Variants in BLTP2 observed in about 807,000 individuals in gnomAD.
BLTP2 encodes bridge-like lipid transfer protein family member 2, also known as U937-associated antigen.
chr17:28,641,938 T>C, the BLTP2 span: 19 of 1,614,038 alleles, frequency 1.2e-5, no homozygotes, highest in Admixed American at 2.7e-4. Context: ...GGCACAGCAG[T>C]TGGCTCTGGA....
At chr17:28,638,591 A>C in the BLTP2 span, 1 of 1,613,884 alleles carries the variant, frequency 6.2e-7, no homozygotes, top group Non-Finnish European at 8.5e-7. Context: ...AAATGTTGAC[A>C]TTGGAGATGG....
the BLTP2 span, chr17:28,628,362 G>A: frequency 6.2e-7 from 1 of 1,614,182 alleles, no homozygotes; most frequent in Non-Finnish European, 8.5e-7. Flanking sequence ...TTGGCTTTTT[G>A]GCTGGCATCT....
chr17:28,640,272 A>T, the BLTP2 span: 3 of 502,346 alleles, frequency 6.0e-6, no homozygotes, highest in Non-Finnish European at 1.1e-5. Flanking sequence ...ACGTGCCTAT[A>T]ATCCCAGCTA....
the BLTP2 span, chr17:28,636,832 A>C: frequency 3.4e-5 from 24 of 712,746 alleles, no homozygotes; most frequent in Non-Finnish European, 5.1e-5. Context: ...TGAGCCCAGT[A>C]GTTTAAGACC....
the BLTP2 span, chr17:28,639,218 C>CA: frequency 7.8e-7 from 1 of 1,290,142 alleles, no homozygotes; most frequent in Non-Finnish European, 1.1e-6. Context: ...GGAGGTCAAA[C>CA]AACCAAATAC....
chr17:28,632,550 GC>G, the BLTP2 span, among the ~76,000 whole-genome samples: 2 of 152,016 alleles, frequency 1.3e-5, no homozygotes, highest in Non-Finnish European at 2.9e-5. Context: ...TAGGATTAGT[GC>G]CCTTTTAAAA....
At chr17:28,644,295 C>G in the BLTP2 span, 64 of 1,155,402 alleles carry the variant, frequency 5.5e-5, no homozygotes, top group Non-Finnish European at 7.6e-5. Flanking sequence ...GAAACTGGAT[C>G]TGAGCAACTC....
the BLTP2 span, among the ~76,000 whole-genome samples, chr17:28,626,225 C>T: frequency 2.0e-5 from 3 of 152,180 alleles, no homozygotes; most frequent in Non-Finnish European, 4.4e-5. Context: ...AGTAGTTCAC[C>T]ACTGCCTACT....
chr17:28,640,417 T>A, the BLTP2 span: 1 of 861,516 alleles, frequency 1.2e-6, no homozygotes, highest in African/African-American at 1.7e-5. Context: ...TTTTTTTAAT[T>A]TTTCCCACAC....
chr17:28,642,764 T>G, the BLTP2 span: 1 of 706,480 alleles, frequency 1.4e-6, no homozygotes, highest in South Asian at 1.7e-5. Flanking sequence ...TCTTAGCATC[T>G]CCTCCAACTG....
At chr17:28,634,611 T>C in the BLTP2 span, 2 of 1,614,214 alleles carry the variant, frequency 1.2e-6, no homozygotes, top group East Asian at 4.5e-5. Context: ...GATCAAGCTC[T>C]TGAACCTGTT....
chr17:28,626,524 A>ATT, the BLTP2 span, among the ~76,000 whole-genome samples: 1 of 152,216 alleles, frequency 6.6e-6, no homozygotes, highest in Admixed American at 6.5e-5. Flanking sequence ...GTCACTGGAA[A>ATT]GACCCAGGCA....
chr17:28,624,044 T>C, the BLTP2 span: 3 of 1,407,112 alleles, frequency 2.1e-6, no homozygotes, highest in African/African-American at 1.4e-5. Flanking sequence ...CCACTGCAGC[T>C]AGGTCTAATG....
chr17:28,620,355 G>C, the BLTP2 span, among the ~76,000 whole-genome samples: 1 of 152,200 alleles, frequency 6.6e-6, no homozygotes, highest in South Asian at 2.1e-4. Context: ...TAAGTAAGTG[G>C]AATTTCAATT....
chr17:28,629,172 T>C, the BLTP2 span, among the ~76,000 whole-genome samples: 2 of 152,000 alleles, frequency 1.3e-5, no homozygotes, highest in South Asian at 2.1e-4. Flanking sequence ...GTCTCCCAAG[T>C]AGCTGGGACT....
At chr17:28,643,009 G>A in the BLTP2 span, 1 of 1,525,338 alleles carries the variant, frequency 6.6e-7, no homozygotes. Flanking sequence ...AAGCAAGGAT[G>A]AACAATAATT....
the BLTP2 span, chr17:28,632,811 G>C: frequency 1.7e-6 from 1 of 595,780 alleles, no homozygotes; most frequent in Non-Finnish European, 2.7e-6. Flanking sequence ...CAAAAAAAAA[G>C]GTCCTAACCT....
At chr17:28,622,423 G>C in the BLTP2 span, among the ~76,000 whole-genome samples, 1 of 151,970 alleles carries the variant, frequency 6.6e-6, no homozygotes, top group African/African-American at 2.4e-5. Flanking sequence ...CAGCCAGGGA[G>C]GTGAAAAGAG....
chr17:28,640,460 C>T, the BLTP2 span: 1 of 1,236,666 alleles, frequency 8.1e-7, no homozygotes. Flanking sequence ...CTTCCTTTCT[C>T]CCCGTAGACA....
Sources: gnomAD v4.1 joint callset for allele counts (sites outside exome capture counted in the v4.1 genomes callset) on GRCh38, gnomAD v4.1.1 for gene constraint, MANE v1.5 for transcripts, NCBI Gene and HGNC (gene_info 2026-07-23, HGNC 2026-07-21) for gene names.